The following USP32 variants were observed in gnomAD, a reference collection of about 807,000 sequenced individuals.
USP32 encodes the protein ubiquitin carboxyl-terminal hydrolase 32.
Under a neutral mutation model 204.8 loss-of-function variants are expected in USP32, and 59 were observed. The ratio of observed to expected loss-of-function variants is 0.29; its 90% CI spans 0.23 to 0.36. The LOEUF (loss-of-function observed/expected upper bound fraction) is 0.36. Ranked by LOEUF, USP32 falls within the 10% of genes least tolerant of loss-of-function variation. The probability of loss-of-function intolerance (pLI) is 1.00; values close to 1 mark genes in which losing one functional copy is unlikely to be tolerated. For missense variants in USP32, 1,160 were observed against 1,946.4 expected, an observed-to-expected ratio of 0.60 and a Z score of 7.60; for synonymous variants, 517 against 678.4, an observed-to-expected ratio of 0.76 and a Z score of 3.70.
At chr17:60,214,417 T>C (rs2085050386) in intron 17 of USP32, among the ~76,000 whole-genome samples, 1 of 151,688 alleles carries the variant, frequency 6.6e-6, no homozygotes, top group Non-Finnish European at 1.5e-5. Flanking sequence ...ACTGATATCC[T>C]AGACATGGCT....
chr17:60,288,570 T>C lies in USP32; in HGVS notation c.524A>G (p.Asp175Gly). The change falls in exon 5 of 34, where the codon GAT (aspartate) becomes GGT (glycine). Residue 175 changes from aspartate to glycine, a missense_variant. Asp to Gly is a moderately conservative substitution (Grantham distance 94). Transcript: ENST00000300896. ...TTGGTAGAAAGTAGGAGTATCACTA[T>C]CATCAGTGAGGGTAACATACACACC... is the stretch of plus-strand genomic sequence containing the variant. ...SGGVYVTLTD[D>G]SDTPTFYQTL... 1.2e-6 allele frequency: 2 copies of C among 1,612,690 alleles called. No homozygotes were observed. Among genetic ancestry groups the C allele is most frequent in the Admixed American group, 1.7e-5 (1 of 59,558 alleles).
At chr17:60,189,467 C>T (rs1314639532) in intron 29 of USP32, among the ~76,000 whole-genome samples, 4 of 152,210 alleles carry the variant, frequency 2.6e-5, no homozygotes, top group Non-Finnish European at 5.9e-5. Context: ...AAAACCACTA[C>T]AATTCCTCAT....
rs59860143 is a variant in USP32 at position 60,190,819 on chromosome 17, C to T, written c.3522-136G>A. 5,364 of 1,242,192 alleles carry T rather than the reference C, an allele frequency of 4.3e-3. 212 individuals are homozygous for T. In the African/African-American group the frequency reaches 0.075, roughly 17 times the overall value. The allele number at this position is 1,242,192 out of a possible 1,614,324, so 76.9% of individuals were successfully genotyped here. The stretch of plus-strand genomic sequence containing the variant: ...ACAATTTGTCATGGGCTTCTAACTT[C>T]AGACTCTGATAAATGTAGGGATACT... On this transcript the variant is annotated intron_variant, in intron 28 of 33. Coordinates refer to ENST00000300896, the MANE Select transcript of USP32 (RefSeq NM_032582.4).
At chr17:60,242,105 C>T (rs2085893173) in intron 11 of USP32, among the ~76,000 whole-genome samples, 1 of 152,124 alleles carries the variant, frequency 6.6e-6, no homozygotes, top group Non-Finnish European at 1.5e-5. Context: ...AATTCTCCTG[C>T]ACCGTTTTTT....
At chr17:60,184,507 T>C (rs1011999158) in intron 30 of USP32, among the ~76,000 whole-genome samples, 8 of 151,814 alleles carry the variant, frequency 5.3e-5, no homozygotes, top group Non-Finnish European at 8.8e-5. Flanking sequence ...GACAGAGACA[T>C]GAATAGAATA....
At chr17:60,256,845 T>C in intron 9 of USP32, 1 of 792,628 alleles carries the variant, frequency 1.3e-6, no homozygotes, top group Non-Finnish European at 1.8e-6. Flanking sequence ...CAGTCAACAT[T>C]AATCAACTTA....
chr17:60,205,336 A>G (rs757582881), intron 26 of USP32, 111 bp downstream of exon 26: 19 of 1,401,182 alleles, frequency 1.4e-5, no homozygotes, highest in Admixed American at 2.9e-5. Flanking sequence ...TTAAAAAATT[A>G]AAGAAAAGAA....
rs558220100 is a variant in USP32 at position 60,314,207 on chromosome 17, T to A, written c.187-12503A>T. ...AGGCTGGAGAATACAGTGGCATTGA[T>A]CTTGGCTCACTGCAACCTCTGCCTC... is the stretch of plus-strand genomic sequence containing the variant. On this transcript the variant is annotated intron_variant, in intron 2 of 33. Transcript: ENST00000300896. Among the ~76,000 whole-genome samples the A allele has an allele frequency of 8.3e-4, 119 of 143,276 alleles. 2 individuals are homozygous for A. Among genetic ancestry groups the A allele is most frequent in the African/African-American group, 3.1e-3 (118 of 38,494 alleles). The allele number at this position is 143,276 out of a possible 152,430, so 94.0% of individuals were successfully genotyped here.
At chr17:60,232,826 C>T (rs138891010) in intron 12 of USP32, among the ~76,000 whole-genome samples, 8 of 150,842 alleles carry the variant, frequency 5.3e-5, no homozygotes, top group Non-Finnish European at 1.0e-4. Context: ...GGATAATAGG[C>T]GTGAGCCACC....
intron 11 of USP32, among the ~76,000 whole-genome samples, chr17:60,250,908 G>A (rs1260293838): frequency 6.7e-6 from 1 of 150,210 alleles, no homozygotes; most frequent in African/African-American, 2.4e-5. Context: ...TAACCATGCT[G>A]TTTTGCATAT....
chr17:60,233,650 T>C (rs976130329), intron 12 of USP32, among the ~76,000 whole-genome samples: 1 of 152,192 alleles, frequency 6.6e-6, no homozygotes, highest in African/African-American at 2.4e-5. Context: ...TCTGTCAGTG[T>C]GCAGTTATTT....
At chr17:60,246,606 G>T (rs542738453) in intron 11 of USP32, among the ~76,000 whole-genome samples, 3 of 152,112 alleles carry the variant, frequency 2.0e-5, no homozygotes, top group African/African-American at 7.2e-5. Context: ...TTAGTTTATT[G>T]GGGCACCTCC....
intron 1 of USP32, among the ~76,000 whole-genome samples, chr17:60,370,337 C>G (rs529984328): frequency 1.1e-4 from 17 of 151,882 alleles, no homozygotes; most frequent in Non-Finnish European, 2.9e-5. Context: ...TACTTTGACA[C>G]CAATCCAAAA....
At chr17:60,266,118 A>C in intron 7 of USP32, 27 bp from the exon 8 acceptor site, 4 of 1,565,500 alleles carry the variant, frequency 2.6e-6, no homozygotes, top group Non-Finnish European at 3.5e-6. Context: ...CTTATGGAGG[A>C]AAATCATTTT....
intron 27 of USP32, among the ~76,000 whole-genome samples, chr17:60,194,156 A>T (rs1325669188): frequency 6.6e-6 from 1 of 151,794 alleles, no homozygotes; most frequent in Non-Finnish European, 1.5e-5. Context: ...TGATCCTCCC[A>T]CATCAGCCTC....
intron 11 of USP32, among the ~76,000 whole-genome samples, chr17:60,248,483 A>T (rs909287256): frequency 6.6e-6 from 1 of 152,162 alleles, no homozygotes. Context: ...GACTTTCATT[A>T]TGCATATTTT....
In USP32 at chr17:60,227,739, G is replaced by A. The variant is rs1195945666; in HGVS notation, c.1240-1508C>T. The stretch of plus-strand genomic sequence containing the variant: ...ACATAAGTTTTCTACTTAAAGTAGT[G>A]ATATAAAGTTTCCTTTGAAAATATG... On this transcript the variant is annotated intron_variant, in intron 12 of 33. Coordinates refer to ENST00000300896, the MANE Select transcript of USP32 (RefSeq NM_032582.4). 3.9e-5 allele frequency among the ~76,000 whole-genome samples: 6 copies of A among 152,038 alleles called. No individual in the cohort carries two copies. In the East Asian group the frequency reaches 1.2e-3, roughly 29 times the overall value.
At chr17:60,232,872 A>G (rs2085610089) in intron 12 of USP32, among the ~76,000 whole-genome samples, 1 of 152,136 alleles carries the variant, frequency 6.6e-6, no homozygotes, top group African/African-American at 2.4e-5. Context: ...AAATCCTCAT[A>G]TAACTACTGC....
At chr17:60,308,601 T>C (rs2087783565) in intron 2 of USP32, among the ~76,000 whole-genome samples, 1 of 152,152 alleles carries the variant, frequency 6.6e-6, no homozygotes. Context: ...TTTCAATAAA[T>C]GGTGCTGAGA....
Sources: gnomAD v4.1 joint callset for allele counts (sites outside exome capture counted in the v4.1 genomes callset) on GRCh38, gnomAD v4.1.1 for gene constraint, MANE v1.5 for transcripts, NCBI Gene and HGNC (gene_info 2026-07-23, HGNC 2026-07-21) for gene names.